The following STAC variants were observed in gnomAD, a reference collection of about 807,000 sequenced individuals.
STAC encodes the protein SH3 and cysteine rich domain, also known as SH3 and cysteine-rich domain-containing protein.
In STAC, 43 loss-of-function variants were observed where a neutral mutation model predicts 48.8. The observed-to-expected ratio is 0.88, with a 90% confidence interval of 0.69 to 1.14. STAC has a LOEUF of 1.14. Ranked by LOEUF, STAC falls within the 50% of genes most tolerant of loss-of-function variation. STAC has a pLI of 0.00. For missense variants in STAC, 497 were observed against 504.0 expected (o/e 0.99, Z 0.13); for synonymous variants, 193 against 179.5 (o/e 1.07, Z -0.60).
intron 2 of STAC, among the ~76,000 whole-genome samples, chr3:36,456,422 G>A (rs1696858152): frequency 1.3e-5 from 2 of 152,290 alleles, no homozygotes; most frequent in Admixed American, 6.5e-5. Context: ...TCTAATAGGT[G>A]TGTTGTCAAG....
intron 5 of STAC, among the ~76,000 whole-genome samples, chr3:36,489,572 G>T (rs1230322744): frequency 2.6e-5 from 4 of 152,046 alleles, no homozygotes; most frequent in African/African-American, 9.7e-5. Context: ...TCACTTTTTT[G>T]TTTGATTTTT....
intron 8 of STAC, among the ~76,000 whole-genome samples, chr3:36,517,258 T>A (rs1440383439): frequency 6.6e-6 from 1 of 152,158 alleles, no homozygotes; most frequent in Non-Finnish European, 1.5e-5. Context: ...TTGGACAGGT[T>A]CCACCAATTA....
intron 6 of STAC, among the ~76,000 whole-genome samples, chr3:36,496,619 T>A (rs1226333115): frequency 6.6e-6 from 1 of 152,248 alleles, no homozygotes; most frequent in Admixed American, 6.5e-5. Flanking sequence ...TTATAAATGA[T>A]CCTTGGCAGG....
At chr3:36,423,307 C>A (rs1700488285) in intron 1 of STAC, among the ~76,000 whole-genome samples, 1 of 151,742 alleles carries the variant, frequency 6.6e-6, no homozygotes, top group Non-Finnish European at 1.5e-5. Context: ...TAACCACATA[C>A]CGAGGAAGAA....
chr3:36,434,236 A>G (rs778959786), intron 1 of STAC, among the ~76,000 whole-genome samples: 10 of 152,224 alleles, frequency 6.6e-5, no homozygotes, highest in Non-Finnish European at 1.0e-4. Flanking sequence ...CACGAGGGCT[A>G]TTAGGCCACA....
chr3:36,439,620 T>A (rs748498984), intron 1 of STAC, among the ~76,000 whole-genome samples: 3 of 152,166 alleles, frequency 2.0e-5, no homozygotes, highest in Non-Finnish European at 4.4e-5. Flanking sequence ...TAAATGTCCT[T>A]CTAAAATAAA....
chr3:36,426,726 C>T (rs1447326488), intron 1 of STAC, among the ~76,000 whole-genome samples: 1 of 152,142 alleles, frequency 6.6e-6, no homozygotes, highest in Non-Finnish European at 1.5e-5. Context: ...TATATGAAAA[C>T]AAGTTTTTAA....
intron 1 of STAC, among the ~76,000 whole-genome samples, chr3:36,435,010 G>A (rs1368974460): frequency 6.6e-6 from 1 of 152,206 alleles, no homozygotes; most frequent in Non-Finnish European, 1.5e-5. Context: ...AAGAGCTTTG[G>A]AGACAGAGAG....
intron 8 of STAC, among the ~76,000 whole-genome samples, chr3:36,512,783 C>CTTTTTTTTTTTTTTTTTTTTTT (rs901936471): frequency 6.6e-6 from 1 of 151,918 alleles, no homozygotes; most frequent in African/African-American, 2.4e-5. Context: ...ATCACACATA[C>CTTTTTTTTTTTTTTTTTTTTTT]TTTTTTTTAT....
rs555680548 is a variant in STAC at position 36,394,596 on chromosome 3, C to A, written c.111+13842C>A. Among the ~76,000 whole-genome samples, 9 of 152,204 alleles carry A rather than the reference C, an allele frequency of 5.9e-5. No homozygotes were observed. In the East Asian group the frequency reaches 1.7e-3, roughly 29 times the overall value. ...GGAGAATCTGGTAGCACATAGTGGA[C>A]AATTTAAGAAGTGATATAGGCCCGG... On this transcript the variant is annotated intron_variant, in intron 1 of 10. Coordinates refer to ENST00000273183, the MANE Select transcript of STAC (RefSeq NM_003149.3).
intron 8 of STAC, among the ~76,000 whole-genome samples, chr3:36,525,474 T>C (rs1419042218): frequency 6.6e-6 from 1 of 151,780 alleles, no homozygotes; most frequent in African/African-American, 2.4e-5. Context: ...CTCAGTAGAC[T>C]ATAAAAATAG....
At chr3:36,431,436 T>A (rs531327566) in intron 1 of STAC, among the ~76,000 whole-genome samples, 6 of 152,196 alleles carry the variant, frequency 3.9e-5, no homozygotes, top group Admixed American at 1.3e-4. Context: ...GACTCCTACC[T>A]GAGGAGCTGG....
chr3:36,472,229 AG>A (rs1559504482), intron 2 of STAC, among the ~76,000 whole-genome samples: 1 of 152,194 alleles, frequency 6.6e-6, no homozygotes, highest in Non-Finnish European at 1.5e-5. Context: ...GGCCCCTTTC[AG>A]CCATGGCTGG....
chr3:36,546,278 G>C lies in STAC; in HGVS notation c.1198G>C (p.Glu400Gln), dbSNP rs998388266. The change falls in exon 11 of 11, where the codon GAA becomes CAA. Residue 400 changes from glutamate to glutamine, a missense_variant. Physicochemically the swap from Glu to Gln is conservative, Grantham distance 29. Transcript: ENST00000273183. Reference sequence around the variant, plus strand: ...AGGCCTCATCCCCCTTGATGTACTAGAAAACATCTGATTGCTGGCTCCTCC... The same window carrying C: ...AGGCCTCATCCCCCTTGATGTACTACAAAACATCTGATTGCTGGCTCCTCC... The part of the protein sequence containing the change: ...KKGLIPLDVL[E>Q]NI 3.7e-6 allele frequency: 6 copies of C among 1,613,910 alleles called. No individual in the cohort carries two copies. The highest frequency in any genetic ancestry group is 5.1e-6 in the Non-Finnish European group (6 of 1,179,820).
At chr3:36,411,038 T>C (rs1340901911) in intron 1 of STAC, among the ~76,000 whole-genome samples, 1 of 152,182 alleles carries the variant, frequency 6.6e-6, no homozygotes, top group Non-Finnish European at 1.5e-5. Flanking sequence ...CTTCACACTG[T>C]CTATCATCTA....
At chr3:36,473,903 A>G (rs1465000955) in intron 2 of STAC, among the ~76,000 whole-genome samples, 1 of 152,240 alleles carries the variant, frequency 6.6e-6, no homozygotes, top group African/African-American at 2.4e-5. Context: ...ATTTTAAAAA[A>G]CAAAAATAAG....
intron 1 of STAC, among the ~76,000 whole-genome samples, chr3:36,428,803 T>C (rs1002092137): frequency 3.9e-5 from 6 of 152,188 alleles, no homozygotes; most frequent in Non-Finnish European, 8.8e-5. Context: ...AGAGGTCAGA[T>C]CACGGAAAGG....
chr3:36,524,873 T>G (rs1428125600), intron 8 of STAC, among the ~76,000 whole-genome samples: 1 of 152,082 alleles, frequency 6.6e-6, no homozygotes, highest in African/African-American at 2.4e-5. Context: ...TCGAGCAAGA[T>G]CCTCTCTATA....
intron 1 of STAC, among the ~76,000 whole-genome samples, chr3:36,415,448 G>T (rs1252178601): frequency 2.6e-5 from 4 of 152,302 alleles, no homozygotes; most frequent in East Asian, 3.9e-4. Flanking sequence ...AGGCTCCGTG[G>T]GCGTGGGATA....
Sources: allele counts gnomAD v4.1 joint callset (sites outside exome capture counted in the v4.1 genomes callset), GRCh38; gene constraint gnomAD v4.1.1; transcripts MANE v1.5; gene names NCBI Gene and HGNC (gene_info 2026-07-23, HGNC 2026-07-21).